Variants in RBFOX3 observed in about 807,000 individuals in gnomAD.
The protein encoded by RBFOX3 is RNA binding fox-1 homolog 3.
In RBFOX3, 17 loss-of-function variants were observed where a neutral mutation model predicts 48.7. The observed-to-expected ratio is 0.35, with a 90% CI of 0.24 to 0.52. The LOEUF is 0.52. Ranked by LOEUF, RBFOX3 falls within the 20% of genes least tolerant of loss-of-function variation. The pLI is 0.94. For missense variants in RBFOX3, 382 were observed against 497.5 expected (o/e 0.77, Z 2.21); for synonymous variants, 212 against 209.5 (o/e 1.01, Z -0.10).
intron 2 of RBFOX3, among the ~76,000 whole-genome samples, chr17:79,367,746 G>C (rs1448990352): frequency 6.6e-6 from 1 of 152,118 alleles, no homozygotes; most frequent in Non-Finnish European, 1.5e-5. Context: ...TGGTGGGCCG[G>C]ACAGGCAGCT....
At chr17:79,231,274 G>A (rs1220127538) in intron 4 of RBFOX3, among the ~76,000 whole-genome samples, 2 of 152,178 alleles carry the variant, frequency 1.3e-5, no homozygotes, top group African/African-American at 4.8e-5. Flanking sequence ...ACAAGCTTTG[G>A]AGAAAACCAC....
At chr17:79,355,308 G>A (rs962188036) in intron 2 of RBFOX3, among the ~76,000 whole-genome samples, 3 of 152,332 alleles carry the variant, frequency 2.0e-5, no homozygotes, top group African/African-American at 4.8e-5. Context: ...CTGGGGAGAC[G>A]TGTTGTTTGC....
At chr17:79,512,479 A>G (rs1555781663) in intron 1 of RBFOX3, among the ~76,000 whole-genome samples, 1 of 139,180 alleles carries the variant, frequency 7.2e-6, no homozygotes, top group African/African-American at 2.7e-5. Context: ...ACCCGGATAC[A>G]TATTACCATC....
chr17:79,485,794 T>C (rs1043230394), intron 1 of RBFOX3, among the ~76,000 whole-genome samples: 2 of 152,204 alleles, frequency 1.3e-5, no homozygotes, highest in African/African-American at 4.8e-5. Flanking sequence ...CGAGCCTCCT[T>C]GGCGCCCCGC....
At chr17:79,441,536 G>A (rs531925404) in intron 2 of RBFOX3, among the ~76,000 whole-genome samples, 9 of 152,302 alleles carry the variant, frequency 5.9e-5, no homozygotes, top group South Asian at 2.1e-4. Flanking sequence ...CAGGGACAGC[G>A]GACAGCCCCC....
chr17:79,097,589 G>T, intron 10 of RBFOX3, 103 bp downstream of exon 10: 1 of 1,425,434 alleles, frequency 7.0e-7, no homozygotes, highest in Non-Finnish European at 9.4e-7. Context: ...GGCGGGGACG[G>T]CCCACCTGGC....
intron 1 of RBFOX3, among the ~76,000 whole-genome samples, chr17:79,522,691 A>G (rs1015114278): frequency 6.6e-6 from 1 of 152,038 alleles, no homozygotes; most frequent in Admixed American, 6.6e-5. Context: ...GCACTTTGGG[A>G]TGCCAAAGCA....
intron 2 of RBFOX3, among the ~76,000 whole-genome samples, chr17:79,401,740 G>C (rs1447298854): frequency 6.6e-6 from 1 of 152,176 alleles, no homozygotes; most frequent in Non-Finnish European, 1.5e-5. Flanking sequence ...ATGAGCCCCA[G>C]GGCACCTGGC....
At chr17:79,625,119 C>G in the RBFOX3 span, among the ~76,000 whole-genome samples, 1 of 152,144 alleles carries the variant, frequency 6.6e-6, no homozygotes, top group African/African-American at 2.4e-5. Context: ...CCGTCACCCC[C>G]AAGGTTTCCT....
At chr17:79,157,190 C>T (rs2046001347) in intron 4 of RBFOX3, among the ~76,000 whole-genome samples, 3 of 152,186 alleles carry the variant, frequency 2.0e-5, no homozygotes. Context: ...TCTGCTCTTA[C>T]TCCCCGTCTC....
Position 79,195,074 on chromosome 17 carries a change from G to A in RBFOX3, c.-34+40692C>T, listed in dbSNP as rs114724297. Among the ~76,000 whole-genome samples the A allele has an allele frequency of 0.04, 6,109 of 152,068 alleles. 462 individuals carry two copies. The highest frequency in any genetic ancestry group is 0.14 in the African/African-American group (5,796 of 41,440). The stretch of plus-strand genomic sequence containing the variant: ...GCTCACTATCATCCCCATTGCCTGC[G>A]CGGTGCCTGGCCACGGGTAGCCTCT... On this transcript the variant is annotated intron_variant, in intron 4 of 14. Transcript: ENST00000693108. This position sits in a 1 kb window ranked among gnomAD's most constrained non-coding sequence, Gnocchi z 5.3.
intron 1 of RBFOX3, among the ~76,000 whole-genome samples, chr17:79,575,719 C>T (rs2092835804): frequency 6.6e-6 from 1 of 152,198 alleles, no homozygotes; most frequent in Non-Finnish European, 1.5e-5. Context: ...CAAGGCACTT[C>T]CGACTTCTGA....
At chr17:79,129,206 G>A (rs547976009) in intron 4 of RBFOX3, among the ~76,000 whole-genome samples, 1 of 152,308 alleles carries the variant, frequency 6.6e-6, no homozygotes, top group South Asian at 2.1e-4. Flanking sequence ...ACTGGGTGAA[G>A]CACTGAAAGT....
intron 2 of RBFOX3, among the ~76,000 whole-genome samples, chr17:79,447,785 C>G (rs929403930): frequency 2.0e-5 from 3 of 152,196 alleles, no homozygotes; most frequent in Non-Finnish European, 2.9e-5. Flanking sequence ...GAGGGGCGGC[C>G]AGGGTGAGCC....
At chr17:79,365,124 T>TGC (rs766675107) in intron 2 of RBFOX3, among the ~76,000 whole-genome samples, 40 of 140,350 alleles carry the variant, frequency 2.9e-4, no homozygotes, top group Non-Finnish European at 2.4e-4. Context: ...GCTCTGGATG[T>TGC]GCGCACACAC....
rs146909564 is a variant in RBFOX3, at chr17:79,416,882, G to A, written c.-175+65572C>T. Among the ~76,000 whole-genome samples the A allele has an allele frequency of 2.0e-3, 303 of 152,352 alleles. 1 individual carries two copies. The highest frequency in any genetic ancestry group is 6.9e-3 in the African/African-American group (286 of 41,584). On this transcript the variant is annotated intron_variant, in intron 2 of 14. Coordinates refer to ENST00000693108, the MANE Select transcript of RBFOX3 (RefSeq NM_001350451.2). Reference sequence around the variant, plus strand: ...AGGGGATGTGCTGTTTTGGGGATGCGGCTCTCCCTCCTGCTGGCTGCACCT... The same window carrying A: ...AGGGGATGTGCTGTTTTGGGGATGCAGCTCTCCCTCCTGCTGGCTGCACCT...
intron 4 of RBFOX3, among the ~76,000 whole-genome samples, chr17:79,135,720 C>T (rs902716868): frequency 7.9e-5 from 12 of 152,210 alleles, no homozygotes; most frequent in African/African-American, 2.2e-4. Context: ...TCCTCACCCA[C>T]GTCCCTAAAA....
intron 4 of RBFOX3, among the ~76,000 whole-genome samples, chr17:79,118,991 A>AAAAG (rs1555696315): frequency 1.4e-5 from 2 of 147,076 alleles, no homozygotes; most frequent in African/African-American, 5.0e-5. Flanking sequence ...AAAAAAAAAA[A>AAAAG]AATAAAGAAA....
At chr17:79,410,260 T>A (rs1182068516) in intron 2 of RBFOX3, among the ~76,000 whole-genome samples, 5 of 152,234 alleles carry the variant, frequency 3.3e-5, no homozygotes, top group African/African-American at 1.2e-4. Flanking sequence ...GGTTCTCCCC[T>A]GCACAGTCTT....
Sources: gnomAD v4.1 joint callset for allele counts (sites outside exome capture counted in the v4.1 genomes callset) on GRCh38, gnomAD v4.1.1 for gene constraint, Gnocchi (gnomAD v3.1) non-coding constraint, MANE v1.5 for transcripts, NCBI Gene and HGNC (gene_info 2026-07-23, HGNC 2026-07-21) for gene names.